ABCA7: variants seen among roughly 807,000 people sequenced by gnomAD.
The protein encoded by ABCA7 is phospholipid-transporting ATPase ABCA7.
Under a neutral mutation model 227.6 loss-of-function variants are expected in ABCA7, and 261 were observed. The observed-to-expected ratio is 1.15, with a 90% CI of 1.04 to 1.27. ABCA7 has a LOEUF of 1.27. ABCA7 is among the 50% of genes most tolerant of loss of function. ABCA7 has a pLI of 0.00. For missense variants in ABCA7, 3,331 were observed against 2,924.5 expected, an observed-to-expected ratio of 1.14 and a Z score of -3.21; for synonymous variants, 1,488 against 1,279.7, an observed-to-expected ratio of 1.16 and a Z score of -3.47.
Position 1,047,290 on chromosome 19 carries a change from G to C in ABCA7, c.1979G>C (p.Gly660Ala). ...FSRANLAAAC[G>A]GLAYFSLYLP... ...CGCGCCAACCTGGCTGCGGCCTGCG[G>C]CGGCCTGGCCTACTTCTCCCTCTAC... Residue 660 changes from glycine (G) to alanine (A), a missense_variant, in exon 15 of 47, where the codon GGC (glycine) becomes GCC (alanine). Coordinates refer to ENST00000263094, the MANE Select transcript of ABCA7 (RefSeq NM_019112.4). The C allele has an allele frequency of 1.2e-6, 2 of 1,605,320 alleles. No homozygotes were observed.
In ABCA7 at chr19:1,047,021, C is replaced by G. The variant is rs1483515544; in HGVS notation, c.1842C>G (p.Leu614=). The G allele has an allele frequency of 1.3e-5, 21 of 1,563,694 alleles. No individual in the cohort carries two copies. Among genetic ancestry groups the G allele is most frequent in the East Asian group, 4.8e-5 (2 of 42,098 alleles). Residue 614 remains leucine, a synonymous_variant, in exon 14 of 47, where the codon CTC becomes CTG. Coordinates refer to ENST00000263094, the MANE Select transcript of ABCA7 (RefSeq NM_019112.4). Reference sequence around the variant, plus strand: ...GCGCCGCACTGCTGGTTCTGGTGCTCAAGGTGGGCGCGCCTCGGCCTGCCC... The same window carrying G: ...GCGCCGCACTGCTGGTTCTGGTGCTGAAGGTGGGCGCGCCTCGGCCTGCCC... ...LLSAALLVLV[L]KLGDILPYSH...
At chr19:1,046,161 G>T in intron 12 of ABCA7, 69 bp from the exon 13 acceptor site, 23 of 1,537,298 alleles carry the variant, frequency 1.5e-5, no homozygotes, top group Non-Finnish European at 1.9e-5. Context: ...TAAGAAAAAG[G>T]TTATTCAGGG....
rs777413496 is a variant in ABCA7 at position 1,047,285 on chromosome 19, C to A, written c.1974C>A (p.Ala658=). ...TCTCCCGCGCCAACCTGGCTGCGGC[C>A]TGCGGCGGCCTGGCCTACTTCTCCC... ...AFFSRANLAA[A]CGGLAYFSLY... is the part of the protein sequence containing the mutation. The change falls in exon 15 of 47, where the codon GCC becomes GCA. Residue 658 remains alanine, a synonymous_variant. Transcript: ENST00000263094. 20 of 1,605,186 alleles carry A rather than the reference C, an allele frequency of 1.2e-5. No individual in the cohort carries two copies. The East Asian group carries it at 4.5e-4, about 36-fold the overall frequency.
Position 1,065,014 on chromosome 19 carries a change from C to G in ABCA7, c.6128C>G (p.Pro2043Arg), listed in dbSNP as rs1200307998. 2 of 1,557,450 alleles carry G rather than the reference C, an allele frequency of 1.3e-6. No individual in the cohort carries two copies. The highest frequency in any genetic ancestry group is 3.8e-5 in the Admixed American group (2 of 52,284). The change falls in exon 46 of 47, where the codon CCT becomes CGT. Residue 2043 changes from proline to arginine, a missense_variant. Coordinates refer to ENST00000263094, the MANE Select transcript of ABCA7 (RefSeq NM_019112.4). ...GCGGCCTTCGTGGCGGCCGAGTTCC[C>G]TGGGGCGGAGCTGCGCGAGGCACAT... ...PAAAFVAAEF[P>R]GAELREAHGG...
rs1568360913 is a variant in ABCA7, at chr19:1,054,155, C to CA, written c.3578-37dup. 3.1e-6 allele frequency: 5 copies of CA among 1,612,246 alleles called. No individual in the cohort carries two copies. The South Asian group carries it at 3.3e-5, about 11-fold the overall frequency. On this transcript the variant is annotated intron_variant, in intron 26 of 46. Transcript: ENST00000263094. The surrounding 1 kb of genome is among the most constrained non-coding windows in gnomAD (Gnocchi z 4.8). ...CCTGGGGTCCTCCCAGCCACCCCCC[C>CA]ACAGCAGCGTGAGCACTGACCCTCT... is the stretch of plus-strand genomic sequence containing the variant.
At position 1,042,339 on chromosome 19, in the gene ABCA7, C is replaced by G; in HGVS notation, c.440C>G (p.Ser147Cys). The change falls in exon 6 of 47, where the codon TCT (serine) becomes TGT (cysteine). Residue 147 changes from serine (S) to cysteine (C), a missense_variant. Coordinates refer to ENST00000263094, the MANE Select transcript of ABCA7 (RefSeq NM_019112.4). ...GCCCAGCCTCAACCAACCAAGCAGTCTCCACTGGAACCACCCATGCTGGAT... is the reference window on the plus strand; with the variant it reads ...GCCCAGCCTCAACCAACCAAGCAGTGTCCACTGGAACCACCCATGCTGGAT... ...STAQPQPTKQ[S>C]PLEPPMLDVA... The G allele has an allele frequency of 5.0e-6, 8 of 1,588,054 alleles. No homozygotes were observed. Among genetic ancestry groups the G allele is most frequent in the Non-Finnish European group, 6.9e-6 (8 of 1,162,468 alleles).
chr19:1,060,207 A>ATATTTTT, intron 40 of ABCA7, among the ~76,000 whole-genome samples: 26 of 96,768 alleles, frequency 2.7e-4, no homozygotes, highest in African/African-American at 8.7e-4. Context: ...ATATATATAT[A>ATATTTTT]TTTTTTTTTC....
chr19:1,051,492 C>T lies in ABCA7; in HGVS notation c.2868C>T (p.Gly956=), dbSNP rs200207400. 240 of 1,609,954 alleles carry T rather than the reference C, an allele frequency of 1.5e-4. 2 individuals are homozygous for T. The highest frequency in any genetic ancestry group is 1.5e-3 in the South Asian group (133 of 90,956). ...TGTCCGTGGCCATTGCCTTTGTGGG[C>T]GGCTCCCAAGTTGTTATCCTGGACG... ...RKLSVAIAFV[G]GSQVVILDEP... is the part of the protein sequence containing the mutation. The change falls in exon 21 of 47, where the codon GGC becomes GGT. Residue 956 remains glycine, a synonymous_variant. Coordinates refer to ENST00000263094, the MANE Select transcript of ABCA7 (RefSeq NM_019112.4).
rs749640659 is a variant in ABCA7 at position 1,058,196 on chromosome 19, C to T, written c.5076C>T (p.Pro1692=). 6.2e-7 allele frequency: 1 copy of T among 1,613,660 alleles called. No homozygotes were observed. Among genetic ancestry groups the T allele is most frequent in the Admixed American group, 1.7e-5 (1 of 59,948 alleles). ...TGAAACAGGTCTTCCTTATCTTCCC[C>T]CACTTCTGCTTGGGCCGGGGGCTCA... ...RILKQVFLIF[P]HFCLGRGLID... is the part of the protein sequence containing the mutation. Residue 1692 remains proline (P), a synonymous_variant, in exon 37 of 47, where the codon CCC becomes CCT. Transcript: ENST00000263094.
At chr19:1,044,391 G>T (rs866296913) in intron 10 of ABCA7, among the ~76,000 whole-genome samples, 186 bp from the exon 11 acceptor site, 6 of 151,540 alleles carry the variant, frequency 4.0e-5, no homozygotes, top group Admixed American at 2.6e-4. Flanking sequence ...GGGATTACAG[G>T]CATGCGCCAC....
intron 40 of ABCA7, 66 bp from the exon 41 acceptor site, chr19:1,061,714 AAG>A: frequency 2.7e-5 from 39 of 1,444,104 alleles, no homozygotes; most frequent in Admixed American, 6.9e-5. Flanking sequence ...AAAAAAAAAA[AAG>A]AAATCAGAGA....
rs369849959 is a variant in ABCA7, at chr19:1,056,128, G to C, written c.4301G>C (p.Arg1434Pro). ...PGLPSGQELG[R>P]SVEELWALLS... Reference sequence around the variant, plus strand: ...CTGCCCTCGGGCCAAGAGTTGGGCCGCTCAGTGGAGGAGTTGTGGGCGCTG... The same window carrying C: ...CTGCCCTCGGGCCAAGAGTTGGGCCCCTCAGTGGAGGAGTTGTGGGCGCTG... The change falls in exon 32 of 47, where the codon CGC (arginine) becomes CCC (proline). Residue 1434 changes from arginine (R) to proline (P), a missense_variant. Transcript: ENST00000263094. The surrounding 1 kb of genome is among the most constrained non-coding windows in gnomAD (Gnocchi z 4.3). 1.2e-6 allele frequency: 2 copies of C among 1,609,096 alleles called. No individual in the cohort carries two copies. Among genetic ancestry groups the C allele is most frequent in the East Asian group, 4.5e-5 (2 of 44,872 alleles).
At chr19:1,046,015 G>A (rs926933419) in intron 12 of ABCA7, among the ~76,000 whole-genome samples, 7 of 152,120 alleles carry the variant, frequency 4.6e-5, no homozygotes, top group African/African-American at 1.4e-4. Flanking sequence ...TCAAACAAAT[G>A]AATAAATGAA....
In ABCA7 at chr19:1,045,161, C is replaced by G. The variant is rs200410518; in HGVS notation, c.1375C>G (p.Pro459Ala). ...AGAGCACCCAACCCCAGACCTGGGC[C>G]CCGGCCACGTGCGCATCAAAATCCG... is the stretch of plus-strand genomic sequence containing the variant. ...PTEHPTPDLG[P>A]GHVRIKIRMD... The change falls in exon 12 of 47, where the codon CCC becomes GCC. Residue 459 changes from proline to alanine, a missense_variant. Physicochemically the swap from Pro to Ala is conservative, Grantham distance 27. Coordinates refer to ENST00000263094, the MANE Select transcript of ABCA7 (RefSeq NM_019112.4). 3 of 1,612,922 alleles carry G rather than the reference C, an allele frequency of 1.9e-6. No individual in the cohort carries two copies. Among genetic ancestry groups the G allele is most frequent in the Non-Finnish European group, 2.5e-6 (3 of 1,179,998 alleles).
chr19:1,065,304 A>G lies in ABCA7; in HGVS notation c.6320A>G (p.Asp2107Gly), dbSNP rs2042977560. The G allele has an allele frequency of 6.2e-7, 1 of 1,613,392 alleles. No individual in the cohort carries two copies. The highest frequency in any genetic ancestry group is 8.5e-7 in the Non-Finnish European group (1 of 1,179,982). The change falls in exon 47 of 47, where the codon GAC becomes GGC. Residue 2107 changes from aspartate (D) to glycine (G), a missense_variant. Asp to Gly is a moderately conservative substitution (Grantham distance 94). Coordinates refer to ENST00000263094, the MANE Select transcript of ABCA7 (RefSeq NM_019112.4). The stretch of plus-strand genomic sequence containing the variant: ...TACTTCTCCAAGGACCAGGGGAAGG[A>G]CGAGGACACCGAAGAGCAGAAGGAG... ...FLYFSKDQGKDEDTEEQKEAG... is the reference protein window; with the variant it reads ...FLYFSKDQGKGEDTEEQKEAG...
chr19:1,057,615 A>G (rs1040735988), intron 35 of ABCA7, among the ~76,000 whole-genome samples, 186 bp downstream of exon 35: 4 of 152,080 alleles, frequency 2.6e-5, no homozygotes, highest in African/African-American at 9.7e-5. Context: ...ATCCTGACTC[A>G]TATTAGTAGA....
chr19:1,056,390 G>T lies in ABCA7; in HGVS notation c.4477G>T (p.Ala1493Ser), dbSNP rs201941781. 7 of 1,613,398 alleles carry T rather than the reference G, an allele frequency of 4.3e-6. No individual in the cohort carries two copies. The South Asian group carries it at 4.4e-5, about 10-fold the overall frequency. The change falls in exon 33 of 47, where the codon GCA becomes TCA. Residue 1493 changes from alanine to serine, a missense_variant. Physicochemically the swap from Ala to Ser is moderately conservative, Grantham distance 99. Coordinates refer to ENST00000263094, the MANE Select transcript of ABCA7 (RefSeq NM_019112.4). The surrounding 1 kb of genome is among the most constrained non-coding windows in gnomAD (Gnocchi z 4.3). ...MVAFVNRASN[A>S]ILRAHLPPGP... ...GGCCTTTGTCAACCGAGCCAGCAAC[G>T]CAATCCTCCGTGCTCACCTGCCCCC... is the stretch of plus-strand genomic sequence containing the variant.
rs773693760 is a variant in ABCA7, at chr19:1,054,223, C to T, written c.3608C>T (p.Ser1203Phe). ...AGSAPETDQGSGPDAVGRVQG... is the reference protein window; with the variant it reads ...AGSAPETDQGFGPDAVGRVQG... ...TCAGCCCCAGAGACTGACCAGGGCT[C>T]TGGGCCAGACGCCGTGGGCCGGGTA... Residue 1203 changes from serine to phenylalanine, a missense_variant, in exon 27 of 47, where the codon TCT (serine) becomes TTT (phenylalanine). Transcript: ENST00000263094. The surrounding 1 kb of genome is among the most constrained non-coding windows in gnomAD (Gnocchi z 4.8). The T allele has an allele frequency of 2.5e-6, 4 of 1,608,370 alleles. No individual in the cohort carries two copies. In the African/African-American group the frequency reaches 5.3e-5, roughly 22 times the overall value.
Position 1,058,691 on chromosome 19 carries a change from G to T in ABCA7, c.5223G>T (p.Gly1741=). 1 of 1,613,998 alleles carries T rather than the reference G, an allele frequency of 6.2e-7. No homozygotes were observed. The highest frequency in any genetic ancestry group is 8.5e-7 in the Non-Finnish European group (1 of 1,180,010). Residue 1741 remains glycine, a synonymous_variant, in exon 38 of 47, where the codon GGG becomes GGT. Coordinates refer to ENST00000263094, the MANE Select transcript of ABCA7 (RefSeq NM_019112.4). ...ACCTCTTGGCCATGGTGATACAGGG[G>T]CCCCTCTTCCTTCTCTTCACACTAC... is the stretch of plus-strand genomic sequence containing the variant. ...GKNLLAMVIQ[G]PLFLLFTLLL... is the part of the protein sequence containing the mutation.
Sources: allele counts gnomAD v4.1 joint callset (sites outside exome capture counted in the v4.1 genomes callset), GRCh38; gene constraint gnomAD v4.1.1; non-coding constraint Gnocchi (gnomAD v3.1); transcripts MANE v1.5; gene names NCBI Gene and HGNC (gene_info 2026-07-23, HGNC 2026-07-21).